GREM2: variants seen among roughly 807,000 people sequenced by gnomAD.
The protein encoded by GREM2 is gremlin-2.
In GREM2, 11 loss-of-function variants were observed where a neutral mutation model predicts 14.2. The ratio of observed to expected loss-of-function variants is 0.78; its 90% confidence interval spans 0.49 to 1.28. GREM2 has a LOEUF of 1.28. GREM2 is among the 50% of genes most tolerant of loss of function. The pLI, the probability that GREM2 is intolerant of heterozygous loss-of-function variation, is 0.00. For missense variants in GREM2, 210 were observed against 218.5 expected, an observed-to-expected ratio of 0.96 and a Z score of 0.24; for synonymous variants, 98 against 97.6, an observed-to-expected ratio of 1.00 and a Z score of -0.02.
chr1:240,514,966 A>G (rs1305964536), intron 1 of GREM2, among the ~76,000 whole-genome samples: 1 of 18,600 alleles, frequency 5.4e-5, no homozygotes, highest in Admixed American at 4.3e-4. Flanking sequence ...AAACAAACAC[A>G]AAAAAAAAAC....
chr1:240,523,123 T>G lies in GREM2; in HGVS notation c.-1-29647A>C, dbSNP rs867227493. On this transcript the variant is annotated intron_variant, in intron 1 of 1. Coordinates refer to ENST00000318160, the MANE Select transcript of GREM2 (RefSeq NM_022469.4). Reference sequence around the variant, plus strand: ...AGTTTCTTTTTTTTGAGACAGAGTTTTCACTCTTGCCCAGGTTGGGGTGCA... The same window carrying G: ...AGTTTCTTTTTTTTGAGACAGAGTTGTCACTCTTGCCCAGGTTGGGGTGCA... Among the ~76,000 whole-genome samples the G allele has an allele frequency of 5.3e-5, 8 of 152,360 alleles. No homozygotes were observed. The South Asian group carries it at 8.3e-4, about 16-fold the overall frequency.
In GREM2 at chr1:240,493,538, C is replaced by CTT. The variant is rs200933263; in HGVS notation, c.-1-64_-1-63dup. ...GCCGTAGAGTACGGGATCAATCTTACTTATTTTTTTTTTTATTTTAGACAT... is the reference window on the plus strand; with the variant it reads ...GCCGTAGAGTACGGGATCAATCTTACTTTTATTTTTTTTTTTATTTTAGACAT... On this transcript the variant is annotated intron_variant, in intron 1 of 1. Coordinates refer to ENST00000318160, the MANE Select transcript of GREM2 (RefSeq NM_022469.4). 1,458 of 1,433,454 alleles carry CTT rather than the reference C, an allele frequency of 1.0e-3. 4 individuals carry two copies. The highest frequency in any genetic ancestry group is 1.3e-3 in the Middle Eastern group (7 of 5,350). The allele number at this position is 1,433,454 out of a possible 1,614,324, so 88.8% of individuals were successfully genotyped here.
intron 1 of GREM2, among the ~76,000 whole-genome samples, chr1:240,537,908 C>A (rs756927217): frequency 1.3e-5 from 2 of 152,198 alleles, no homozygotes; most frequent in African/African-American, 2.4e-5. Context: ...ATTATTTAAA[C>A]AATAACTTTC....
At chr1:240,493,598 G>T in intron 1 of GREM2, 122 bp from the exon 2 acceptor site, 2 of 1,184,718 alleles carry the variant, frequency 1.7e-6, no homozygotes, top group East Asian at 2.6e-5. Context: ...GAGTGCAGGG[G>T]CACGTAGCTT....
intron 1 of GREM2, among the ~76,000 whole-genome samples, chr1:240,516,875 G>A (rs780898330): frequency 1.6e-4 from 24 of 152,098 alleles, no homozygotes; most frequent in Non-Finnish European, 3.1e-4. Context: ...ATTGGAAGAT[G>A]GGGGTCGGCC....
chr1:240,547,043 C>T (rs1293543922), intron 1 of GREM2, among the ~76,000 whole-genome samples: 1 of 151,958 alleles, frequency 6.6e-6, no homozygotes, highest in Non-Finnish European at 1.5e-5. Context: ...GGATGTGGTG[C>T]CTGGCCTGGC....
intron 1 of GREM2, among the ~76,000 whole-genome samples, chr1:240,558,266 G>A (rs143941086): frequency 2.3e-3 from 354 of 152,196 alleles, no homozygotes; most frequent in African/African-American, 7.9e-3. Context: ...GAATCAGCTG[G>A]AAACTTTGAT....
At chr1:240,525,903 C>T (rs1018803437) in intron 1 of GREM2, among the ~76,000 whole-genome samples, 1 of 152,150 alleles carries the variant, frequency 6.6e-6, no homozygotes, top group African/African-American at 2.4e-5. Flanking sequence ...ATTTCCTTGC[C>T]TTTTCCTGCT....
intron 1 of GREM2, among the ~76,000 whole-genome samples, chr1:240,507,479 T>C (rs1239855164): frequency 6.6e-6 from 1 of 152,118 alleles, no homozygotes; most frequent in East Asian, 1.9e-4. Flanking sequence ...ATTACAGGCA[T>C]GTGCCACCAT....
chr1:240,496,379 C>T (rs1428520676), intron 1 of GREM2, among the ~76,000 whole-genome samples: 1 of 152,192 alleles, frequency 6.6e-6, no homozygotes, highest in Non-Finnish European at 1.5e-5. Context: ...ATGAGCTTGG[C>T]ATTCTTGTGC....
intron 1 of GREM2, among the ~76,000 whole-genome samples, chr1:240,522,125 A>C (rs1678114090): frequency 6.6e-6 from 1 of 151,548 alleles, no homozygotes; most frequent in South Asian, 2.1e-4. Flanking sequence ...GTCTCCAAAA[A>C]AAAAAAAAAA....
chr1:240,591,260 G>A (rs909890159), intron 1 of GREM2, among the ~76,000 whole-genome samples: 1 of 152,170 alleles, frequency 6.6e-6, no homozygotes, highest in Admixed American at 6.5e-5. Flanking sequence ...ATGAAGGCAT[G>A]AATCATACAG....
Position 240,543,434 on chromosome 1 carries a change from GA to G in GREM2, c.-1-49959del, listed in dbSNP as rs1678644714. Among the ~76,000 whole-genome samples the G allele has an allele frequency of 6.6e-6, 1 of 152,150 alleles. No individual in the cohort carries two copies. The highest frequency in any genetic ancestry group is 1.5e-5 in the Non-Finnish European group (1 of 68,026). ...GGTAAGCAGGAGAGTTTGTTCAGGG[GA>G]ACTCCCATATATAAAACCATCAGAT... On this transcript the variant is annotated intron_variant, in intron 1 of 1. Transcript: ENST00000318160. The surrounding 1 kb of genome is among the most constrained non-coding windows in gnomAD (Gnocchi z 6.4).
At chr1:240,601,051 G>C (rs1412807742) in intron 1 of GREM2, among the ~76,000 whole-genome samples, 10 of 152,114 alleles carry the variant, frequency 6.6e-5, no homozygotes, top group African/African-American at 1.9e-4. Context: ...TTCCAAAGTA[G>C]TAATAGTAAT....
intron 1 of GREM2, among the ~76,000 whole-genome samples, chr1:240,583,306 A>G (rs1679527525): frequency 6.6e-6 from 1 of 152,244 alleles, no homozygotes; most frequent in South Asian, 2.1e-4. Flanking sequence ...AAATTATCCA[A>G]CCACATAAAC....
intron 1 of GREM2, chr1:240,530,646 C>T (rs1304337553): frequency 6.6e-6 from 1 of 152,148 alleles, no homozygotes; most frequent in African/African-American, 2.4e-5. Context: ...TAAACTAGGA[C>T]CATCGCAAAT....
intron 1 of GREM2, among the ~76,000 whole-genome samples, chr1:240,528,762 G>A (rs1678283209): frequency 3.3e-5 from 5 of 152,286 alleles, no homozygotes; most frequent in Admixed American, 6.5e-5. Context: ...GGGAAATGAT[G>A]AACAGCCTGC....
In GREM2 at chr1:240,590,238, A is replaced by G. The variant is rs552427090; in HGVS notation, c.-2+21646T>C. Among the ~76,000 whole-genome samples, 3 of 152,288 alleles carry G rather than the reference A, an allele frequency of 2.0e-5. No individual in the cohort carries two copies. In the East Asian group the frequency reaches 5.8e-4, roughly 29 times the overall value. On this transcript the variant is annotated intron_variant, in intron 1 of 1. Transcript: ENST00000318160. ...TTAATGTAGAATAACATTCACATACACTAACATCAGAGCTCTTTACCTTGG... is the reference window on the plus strand; with the variant it reads ...TTAATGTAGAATAACATTCACATACGCTAACATCAGAGCTCTTTACCTTGG...
At chr1:240,567,705 C>T (rs1679195487) in intron 1 of GREM2, among the ~76,000 whole-genome samples, 1 of 152,114 alleles carries the variant, frequency 6.6e-6, no homozygotes, top group African/African-American at 2.4e-5. Flanking sequence ...TAAAAATGTG[C>T]ACCTGTACAG....
Sources: gnomAD v4.1 joint callset for allele counts (sites outside exome capture counted in the v4.1 genomes callset) on GRCh38, gnomAD v4.1.1 for gene constraint, Gnocchi (gnomAD v3.1) non-coding constraint, MANE v1.5 for transcripts, NCBI Gene and HGNC (gene_info 2026-07-23, HGNC 2026-07-21) for gene names.